Variants in F7 observed in about 807,000 individuals in gnomAD.
The protein encoded by F7 is coagulation factor VII, also known as FVII coagulation protein.
A neutral mutation model predicts 47.5 loss-of-function variants in F7; 38 were observed. The observed-to-expected ratio is 0.80, with a 90% CI of 0.62 to 1.05. The LOEUF is 1.05. F7 is among the 50% of genes least tolerant of loss of function. F7 has a pLI of 0.00. For missense variants in F7, 575 were observed against 605.4 expected (o/e 0.95, Z 0.53); for synonymous variants, 244 against 258.5 (o/e 0.94, Z 0.54).
At position 113,118,613 on chromosome 13, in the gene F7, G is replaced by T; in HGVS notation, c.940G>T (p.Val314Leu). 1 of 1,612,924 alleles carries T rather than the reference G, an allele frequency of 6.2e-7. No individual in the cohort carries two copies. Among genetic ancestry groups the T allele is most frequent in the Non-Finnish European group, 8.5e-7 (1 of 1,179,968 alleles). The part of the protein sequence containing the change: ...RTFSERTLAF[V>L]RFSLVSGWGQ... Reference sequence around the variant, plus strand: ...GTTCTCTGAGAGGACGCTGGCCTTCGTGCGCTTCTCATTGGTCAGCGGCTG... The same window carrying T: ...GTTCTCTGAGAGGACGCTGGCCTTCTTGCGCTTCTCATTGGTCAGCGGCTG... Residue 314 changes from valine (V) to leucine (L), a missense_variant, in exon 8 of 8, where the codon GTG (valine) becomes TTG (leucine). Transcript: ENST00000346342.
In F7 at chr13:113,118,526, C is replaced by T. The variant is rs147680958; in HGVS notation, c.853C>T (p.Arg285Cys). The T allele has an allele frequency of 1.7e-5, 28 of 1,611,976 alleles. No homozygotes were observed. Among genetic ancestry groups the T allele is most frequent in the African/African-American group, 5.3e-5 (4 of 75,050 alleles). The change falls in exon 8 of 8, where the codon CGC becomes TGC. Residue 285 changes from arginine (R) to cysteine (C), a missense_variant. By Grantham distance (180) the Arg-to-Cys change is radical. Transcript: ENST00000346342. ...GTTNHDIALL[R>C]LHQPVVLTDH... is the part of the protein sequence containing the mutation. ...CACCAACCACGACATCGCGCTGCTC[C>T]GCCTGCACCAGCCCGTGGTCCTCAC...
At chr13:113,115,543 G>A in intron 4 of F7, 117 bp from the exon 5 acceptor site, 1 of 1,165,810 alleles carries the variant, frequency 8.6e-7, no homozygotes, top group Non-Finnish European at 1.2e-6. Context: ...GTCACCCACA[G>A]CTCAGTGCCA....
chr13:113,117,643 A>C (rs1566909920), intron 7 of F7, 47 bp downstream of exon 7: 1 of 1,403,564 alleles, frequency 7.1e-7, no homozygotes, highest in Non-Finnish European at 9.6e-7. Context: ...GGTGGGTGCC[A>C]CTCTTCCCTG....
At chr13:113,118,381 G>C (rs1436775671) in intron 7 of F7, 32 bp from the exon 8 acceptor site, 2 of 1,566,688 alleles carry the variant, frequency 1.3e-6, no homozygotes. Flanking sequence ...GCAGGTGGTG[G>C]AAAGGGCCTG....
chr13:113,115,363 G>A (rs549549998), intron 4 of F7, among the ~76,000 whole-genome samples: 8 of 152,314 alleles, frequency 5.3e-5, no homozygotes, highest in South Asian at 4.2e-4. Context: ...TCAGCTGCTC[G>A]GAAGAGTGGT....
In F7 at chr13:113,113,825, C is replaced by T; in HGVS notation, c.251-22C>T. 6.2e-7 allele frequency: 1 copy of T among 1,614,246 alleles called. No homozygotes were observed. The highest frequency in any genetic ancestry group is 8.5e-7 in the Non-Finnish European group (1 of 1,180,050). On this transcript the variant is annotated intron_variant, in intron 3 of 7. Coordinates refer to ENST00000346342, the MANE Select transcript of F7 (RefSeq NM_019616.4). This position sits in a 1 kb window ranked among gnomAD's most constrained non-coding sequence, Gnocchi z 4.1. ...CCTGCCTGCAACCCTTCTCAGCTTACTGACACCAGCCCACTCCACAGATGG... is the reference window on the plus strand; with the variant it reads ...CCTGCCTGCAACCCTTCTCAGCTTATTGACACCAGCCCACTCCACAGATGG...
At position 113,113,423 on chromosome 13, in the gene F7, G is replaced by A. The variant is rs1002105057; in HGVS notation, c.226-329G>A. The stretch of plus-strand genomic sequence containing the variant: ...ACTGCACCCTCTCCCCGTATGTGTG[G>A]CCACCCTGTCAGAGGTGGAGCTGTG... On this transcript the variant is annotated intron_variant, in intron 2 of 7. Transcript: ENST00000346342. The surrounding 1 kb of genome is among the most constrained non-coding windows in gnomAD (Gnocchi z 4.1). Among the ~76,000 whole-genome samples the A allele has an allele frequency of 2.0e-5, 3 of 152,198 alleles. No homozygotes were observed. The highest frequency in any genetic ancestry group is 7.2e-5 in the African/African-American group (3 of 41,452).
chr13:113,112,614 C>T (rs1325925411), intron 2 of F7, among the ~76,000 whole-genome samples: 3 of 147,092 alleles, frequency 2.0e-5, no homozygotes, highest in Non-Finnish European at 3.0e-5. Context: ...CAGAGGTCAC[C>T]TCACACGGGG....
chr13:113,111,672 A>T (rs1263822263), intron 2 of F7, among the ~76,000 whole-genome samples: 9 of 84,262 alleles, frequency 1.1e-4, no homozygotes, highest in African/African-American at 1.5e-4. Flanking sequence ...CTCACACAAG[A>T]CACCTCACAC....
Position 113,120,460 on chromosome 13 carries a change from G to A in F7, c.*1452G>A, listed in dbSNP as rs1441885112. ...GACTCCGGCAAGCACGGCTCAGAGA[G>A]TGGACTCGATGCCATCCCTGCAGGG... On this transcript the variant is annotated 3_prime_UTR_variant, in exon 8 of 8. Transcript: ENST00000346342. 6.5e-6 allele frequency: 1 copy of A among 153,322 alleles called. No homozygotes were observed. The highest frequency in any genetic ancestry group is 2.4e-5 in the African/African-American group (1 of 41,458). 9.5% of individuals were successfully genotyped at this position (153,322 alleles called of 1,614,324 possible).
intron 1 of F7, among the ~76,000 whole-genome samples, chr13:113,107,871 C>T (rs1306981669): frequency 1.0e-4 from 5 of 48,778 alleles, no homozygotes; most frequent in African/African-American, 1.5e-4. Context: ...GTCCCGGGGG[C>T]GTGGGTGTTC....
intron 2 of F7, among the ~76,000 whole-genome samples, chr13:113,112,888 C>T (rs2036130131): frequency 6.6e-6 from 1 of 150,448 alleles, no homozygotes; most frequent in South Asian, 2.1e-4. Context: ...ACTTCACTCC[C>T]ACAGGTCACC....
chr13:113,108,768 C>T (rs1429826683), intron 1 of F7, among the ~76,000 whole-genome samples: 1 of 95,632 alleles, frequency 1.0e-5, no homozygotes, highest in East Asian at 4.2e-4. Context: ...GAGGGTGTCC[C>T]GGGAGTGTGG....
intron 1 of F7, among the ~76,000 whole-genome samples, chr13:113,107,152 G>A (rs1364346754): frequency 6.6e-6 from 1 of 152,112 alleles, no homozygotes; most frequent in African/African-American, 2.4e-5. Context: ...TTCTTCATCA[G>A]GTTTTCCTCA....
At chr13:113,110,551 C>A in intron 1 of F7, 139 bp from the exon 2 acceptor site, 1 of 1,204,060 alleles carries the variant, frequency 8.3e-7, no homozygotes, top group Non-Finnish European at 1.2e-6. Flanking sequence ...GACACCCAGC[C>A]AGGCCCGCGA....
intron 2 of F7, among the ~76,000 whole-genome samples, chr13:113,111,407 T>C (rs111531861): frequency 2.0e-3 from 143 of 73,246 alleles, no homozygotes; most frequent in Middle Eastern, 0.016. Context: ...CACCTCACAC[T>C]CACAGGACAC....
At chr13:113,116,201 T>C (rs2036190176) in intron 5 of F7, among the ~76,000 whole-genome samples, 1 of 152,126 alleles carries the variant, frequency 6.6e-6, no homozygotes, top group Admixed American at 6.5e-5. Flanking sequence ...ATGGGATGTT[T>C]CTCCAAACCA....
At chr13:113,114,094 G>C (rs1297619033) in intron 4 of F7, 134 bp downstream of exon 4, 20 of 915,848 alleles carry the variant, frequency 2.2e-5, no homozygotes, top group Non-Finnish European at 2.9e-5. Context: ...AGCCCCAGTT[G>C]GAAATTGGTC....
chr13:113,114,101 G>C, intron 4 of F7, 141 bp downstream of exon 4: 1 of 854,642 alleles, frequency 1.2e-6, no homozygotes, highest in Non-Finnish European at 1.9e-6. Context: ...GTTGGAAATT[G>C]GTCTAGGTGA....
Sources: gnomAD v4.1 joint callset for allele counts (sites outside exome capture counted in the v4.1 genomes callset) on GRCh38, gnomAD v4.1.1 for gene constraint, Gnocchi (gnomAD v3.1) non-coding constraint, MANE v1.5 for transcripts, NCBI Gene and HGNC (gene_info 2026-07-23, HGNC 2026-07-21) for gene names.